The following NPSR1 variants were observed in gnomAD, a reference collection of about 807,000 sequenced individuals.
NPSR1 encodes the protein neuropeptide S receptor.
NPSR1 carries 48 observed loss-of-function variants against 46.9 expected under a neutral mutation model. That is an observed-to-expected ratio of 1.02 (90% CI 0.81 to 1.30). The LOEUF (loss-of-function observed/expected upper bound fraction) is 1.30, where lower values mean the gene tolerates loss of function less well. NPSR1 is among the 50% of genes most tolerant of loss of function. The pLI is 0.00. For synonymous variants in NPSR1, 176 were observed against 168.1 expected, an observed-to-expected ratio of 1.05 and a Z score of -0.36; for missense variants, 450 against 449.5, an observed-to-expected ratio of 1.00 and a Z score of -0.01.
chr7:34,727,618 G>T (rs1784223849), intron 2 of NPSR1, among the ~76,000 whole-genome samples: 1 of 152,208 alleles, frequency 6.6e-6, no homozygotes, highest in East Asian at 1.9e-4. Flanking sequence ...ACTCTTAAGT[G>T]ACTCAGTCAA....
intron 2 of NPSR1, among the ~76,000 whole-genome samples, chr7:34,735,011 G>A (rs1415323632): frequency 6.6e-6 from 1 of 152,204 alleles, no homozygotes; most frequent in Non-Finnish European, 1.5e-5. Flanking sequence ...TGAGTAACCA[G>A]TCACTATGGC....
intron 1 of NPSR1, among the ~76,000 whole-genome samples, chr7:34,679,979 C>T (rs902836086): frequency 2.6e-5 from 4 of 151,760 alleles, no homozygotes; most frequent in Non-Finnish European, 5.9e-5. Flanking sequence ...AATTCATCAA[C>T]AGTATAAAAA....
chr7:34,757,969 G>A (rs1342134973), intron 2 of NPSR1: 1 of 152,766 alleles, frequency 6.5e-6, no homozygotes, highest in East Asian at 1.9e-4. Flanking sequence ...CCCTCAGGAA[G>A]CAGAAGAGGA....
At chr7:34,721,116 T>G (rs777016481) in intron 2 of NPSR1, among the ~76,000 whole-genome samples, 3 of 151,854 alleles carry the variant, frequency 2.0e-5, no homozygotes, top group Non-Finnish European at 4.4e-5. Flanking sequence ...GCAGGGAGGG[T>G]AAAGGAATAG....
intron 3 of NPSR1, 50 bp from the exon 4 acceptor site, chr7:34,811,720 C>T: frequency 1.5e-6 from 2 of 1,303,600 alleles, no homozygotes; most frequent in Non-Finnish European, 2.2e-6. Flanking sequence ...CATTATGTGC[C>T]TTCCCTCACC....
At chr7:34,766,729 C>T (rs1786452516) in intron 2 of NPSR1, among the ~76,000 whole-genome samples, 1 of 152,012 alleles carries the variant, frequency 6.6e-6, no homozygotes, top group African/African-American at 2.4e-5. Flanking sequence ...CCAGCCACCA[C>T]GCCCGGCTAA....
intron 6 of NPSR1, among the ~76,000 whole-genome samples, 199 bp from the exon 7 acceptor site, chr7:34,844,697 T>G (rs1006890491): frequency 2.0e-5 from 3 of 152,202 alleles, no homozygotes; most frequent in East Asian, 1.9e-4. Context: ...CATATAATAT[T>G]AAGGTGTAAA....
chr7:34,693,377 CAAACTAGA>C (rs1793361752), intron 2 of NPSR1, among the ~76,000 whole-genome samples: 2 of 152,060 alleles, frequency 1.3e-5, no homozygotes, highest in Non-Finnish European at 1.5e-5. Context: ...TCTGTGCACA[CAAACTAGA>C]AAACCTGGAG....
chr7:34,777,353 A>G lies in NPSR1; in HGVS notation c.281-1109A>G, dbSNP rs147068675. On this transcript the variant is annotated intron_variant, in intron 2 of 8. Coordinates refer to ENST00000360581, the MANE Select transcript of NPSR1 (RefSeq NM_207172.2). ...GTTTGGCCCAGTTTTCTTTTATGCT[A>G]TAATAGGACAGCACTAAGTTCAATG... Among the ~76,000 whole-genome samples the G allele has an allele frequency of 7.6e-4, 116 of 152,216 alleles. 1 individual carries two copies. The East Asian group carries it at 0.021, about 27-fold the overall frequency.
At chr7:34,674,322 C>G (rs1321227296) in intron 1 of NPSR1, among the ~76,000 whole-genome samples, 1 of 152,188 alleles carries the variant, frequency 6.6e-6, no homozygotes, top group Non-Finnish European at 1.5e-5. Context: ...CAGAACTTTG[C>G]TATCTGCTCC....
intron 6 of NPSR1, among the ~76,000 whole-genome samples, chr7:34,839,746 T>G (rs1269155881): frequency 6.6e-6 from 1 of 152,114 alleles, no homozygotes; most frequent in Non-Finnish European, 1.5e-5. Context: ...TCTGCCACGC[T>G]TAACAGAGGG....
At chr7:34,782,753 C>T (rs1285547542) in intron 3 of NPSR1, among the ~76,000 whole-genome samples, 1 of 151,998 alleles carries the variant, frequency 6.6e-6, no homozygotes, top group Admixed American at 6.6e-5. Context: ...ATAACATCAT[C>T]AAAAGAACAC....
chr7:34,827,642 G>GC (rs752661447), intron 5 of NPSR1, 40 bp downstream of exon 5: 8 of 605,468 alleles, frequency 1.3e-5, no homozygotes, highest in East Asian at 5.4e-5. Flanking sequence ...GGGGGGTGGG[G>GC]CGGGGGGGGC....
At chr7:34,677,569 C>T (rs1052561356) in intron 1 of NPSR1, among the ~76,000 whole-genome samples, 1 of 152,142 alleles carries the variant, frequency 6.6e-6, no homozygotes, top group Admixed American at 6.5e-5. Flanking sequence ...TAGGGAAGGT[C>T]GATGACTTCC....
At chr7:34,731,476 A>G (rs563539499) in intron 2 of NPSR1, among the ~76,000 whole-genome samples, 7 of 151,604 alleles carry the variant, frequency 4.6e-5, no homozygotes, top group South Asian at 2.1e-4. Flanking sequence ...AATGGTATCA[A>G]TGAAATATTT....
chr7:34,851,932 G>T (rs1790943311), downstream of NPSR1, among the ~76,000 whole-genome samples: 1 of 152,120 alleles, frequency 6.6e-6, no homozygotes, highest in African/African-American at 2.4e-5. Flanking sequence ...GCTTTATATT[G>T]GTAAGGATTC....
downstream of NPSR1, among the ~76,000 whole-genome samples, chr7:34,850,745 G>A: frequency 6.6e-6 from 1 of 152,060 alleles, no homozygotes; most frequent in East Asian, 1.9e-4. Context: ...TTTAACACTT[G>A]GGCCACTCTG....
intron 2 of NPSR1, among the ~76,000 whole-genome samples, chr7:34,745,115 G>A (rs902789193): frequency 6.6e-5 from 10 of 152,166 alleles, no homozygotes; most frequent in Non-Finnish European, 1.3e-4. Context: ...TATATACAAA[G>A]GGACAACTAT....
chr7:34,709,417 G>A (rs889381021), intron 2 of NPSR1, among the ~76,000 whole-genome samples: 3 of 152,068 alleles, frequency 2.0e-5, no homozygotes, highest in Non-Finnish European at 4.4e-5. Flanking sequence ...ACTGTTCTTG[G>A]ACAATAACAG....
Sources: gnomAD v4.1 joint callset for allele counts (sites outside exome capture counted in the v4.1 genomes callset) on GRCh38, gnomAD v4.1.1 for gene constraint, MANE v1.5 for transcripts, NCBI Gene and HGNC (gene_info 2026-07-23, HGNC 2026-07-21) for gene names.